ANKRD26: variants seen among roughly 807,000 people sequenced by gnomAD.
ANKRD26 encodes ankyrin repeat domain 26.
A neutral mutation model predicts 208.7 loss-of-function variants in ANKRD26; 141 were observed. The observed-to-expected ratio is 0.68, with a 90% confidence interval of 0.59 to 0.78. The LOEUF (loss-of-function observed/expected upper bound fraction) is 0.78. ANKRD26 is among the 30% of genes least tolerant of loss of function. The probability of loss-of-function intolerance (pLI) is 0.00; values close to 1 mark genes in which losing one functional copy is unlikely to be tolerated. For missense variants in ANKRD26, 1,889 were observed against 1,938.7 expected, an observed-to-expected ratio of 0.97 and a Z score of 0.48; for synonymous variants, 636 against 660.4, an observed-to-expected ratio of 0.96 and a Z score of 0.57.
chr10:26,952,885 G>A, the ANKRD26 span, among the ~76,000 whole-genome samples: 1 of 152,186 alleles, frequency 6.6e-6, no homozygotes, highest in African/African-American at 2.4e-5. Flanking sequence ...CTCTTGTGCA[G>A]TCTGAAGACA....
At chr10:27,099,963 T>C in intron 1 of ANKRD26, 122 bp downstream of exon 1, 2 of 1,513,388 alleles carry the variant, frequency 1.3e-6, no homozygotes, top group South Asian at 2.3e-5. Flanking sequence ...GGTGTCACCG[T>C]CCCAGGGGCT....
chr10:27,086,768 G>GTT lies in ANKRD26; in HGVS notation c.639-161_639-160dup, dbSNP rs36035101. On this transcript the variant is annotated intron_variant, in intron 4 of 33. Transcript: ENST00000376087. ...ATATGTAAGCTCTACAAACTTTTTT[G>GTT]TTTTTTTTTTTTTTTTTTTTTGAGA... Among the ~76,000 whole-genome samples, 907 of 96,962 alleles carry GTT rather than the reference G, an allele frequency of 9.4e-3. 69 individuals are homozygous for GTT. The highest frequency in any genetic ancestry group is 0.029 in the African/African-American group (761 of 26,512). The allele number at this position is 96,962 out of a possible 152,430, so 63.6% of individuals were successfully genotyped here.
At position 27,052,027 on chromosome 10, in the gene ANKRD26, T is replaced by C. The variant is rs2054680017; in HGVS notation, c.1635+1293A>G. 4 of 985,244 alleles carry C rather than the reference T, an allele frequency of 4.1e-6. No homozygotes were observed. In the South Asian group the frequency reaches 1.9e-4, roughly 46 times the overall value. The allele number at this position is 985,244 out of a possible 1,614,324, so 61.0% of individuals were successfully genotyped here. ...GATACATCCTCTCTATCACACTCCT[T>C]ATTCAGTTCTGGTTCTTGAGACATC... On this transcript the variant is annotated intron_variant, in intron 16 of 33. Coordinates refer to ENST00000376087, the MANE Select transcript of ANKRD26 (RefSeq NM_014915.3).
At chr10:27,024,251 T>G (rs537686003) in intron 28 of ANKRD26, among the ~76,000 whole-genome samples, 196 bp downstream of exon 28, 1 of 152,320 alleles carries the variant, frequency 6.6e-6, no homozygotes, top group South Asian at 2.1e-4. Context: ...TCAAAATCAT[T>G]AAAGAATAAG....
At chr10:27,057,997 C>T (rs1040985129) in intron 15 of ANKRD26, among the ~76,000 whole-genome samples, 1 of 151,534 alleles carries the variant, frequency 6.6e-6, no homozygotes, top group Non-Finnish European at 1.5e-5. Context: ...TAATTGTTCC[C>T]ACGTGAAAAT....
In ANKRD26 at chr10:27,017,645, C is replaced by T. The variant is rs1341465808; in HGVS notation, c.4363G>A (p.Glu1455Lys). 2.5e-6 allele frequency: 4 copies of T among 1,613,396 alleles called. No individual in the cohort carries two copies. Among genetic ancestry groups the T allele is most frequent in the Admixed American group, 1.7e-5 (1 of 59,972 alleles). Residue 1455 changes from glutamate (E) to lysine (K), a missense_variant, in exon 30 of 34, where the codon GAA becomes AAA. Transcript: ENST00000376087. ...EKLQKNKKKLEQEVINLRSHI... is the reference protein window; with the variant it reads ...EKLQKNKKKLKQEVINLRSHI... ...CTTCTCAGGTTGATCACTTCTTGTT[C>T]CAACTTCTTTTTATTCTTCTGTAGT... is the stretch of plus-strand genomic sequence containing the variant.
chr10:26,977,442 A>T (rs952058699), intron 5 of ANKRD26, among the ~76,000 whole-genome samples: 2 of 152,168 alleles, frequency 1.3e-5, no homozygotes, highest in African/African-American at 2.4e-5. Flanking sequence ...CTTCTCAGGG[A>T]TTTGTGGGCC....
At chr10:26,978,142 G>A (rs995725329) in intron 5 of ANKRD26, among the ~76,000 whole-genome samples, 5 of 152,092 alleles carry the variant, frequency 3.3e-5, no homozygotes, top group African/African-American at 1.2e-4. Flanking sequence ...ATTTTGCAAA[G>A]GTAAACGAGC....
chr10:27,081,881 C>T (rs762114260), intron 6 of ANKRD26, among the ~76,000 whole-genome samples: 9 of 151,706 alleles, frequency 5.9e-5, no homozygotes, highest in Non-Finnish European at 1.3e-4. Flanking sequence ...GGACTATAGG[C>T]GTGCGCCACC....
At chr10:27,089,047 A>G (rs2056212098) in intron 4 of ANKRD26, among the ~76,000 whole-genome samples, 1 of 152,210 alleles carries the variant, frequency 6.6e-6, no homozygotes, top group African/African-American at 2.4e-5. Context: ...GTGAACTGAA[A>G]AAAAGTCCTA....
At chr10:26,997,118 A>G (rs568001378) in intron 4 of ANKRD26, among the ~76,000 whole-genome samples, 9 of 152,264 alleles carry the variant, frequency 5.9e-5, no homozygotes, top group African/African-American at 1.9e-4. Context: ...AAAAGATTGA[A>G]AGGGATCTCA....
At chr10:27,054,184 C>G (rs757863029) in intron 15 of ANKRD26, among the ~76,000 whole-genome samples, 1 of 152,078 alleles carries the variant, frequency 6.6e-6, no homozygotes, top group Non-Finnish European at 1.5e-5. Flanking sequence ...TGCTCCCAGA[C>G]GGTAGGGGAC....
chr10:27,000,994 C>T (rs1051226311), downstream of ANKRD26, among the ~76,000 whole-genome samples: 3 of 152,144 alleles, frequency 2.0e-5, no homozygotes, highest in East Asian at 1.9e-4. Context: ...GGCAACAGAG[C>T]GAGACTCTGT....
Position 27,086,552 on chromosome 10 carries a change from T to C in ANKRD26, c.696A>G (p.Gln232=). The C allele has an allele frequency of 6.2e-7, 1 of 1,605,940 alleles. No homozygotes were observed. Among genetic ancestry groups the C allele is most frequent in the Non-Finnish European group, 8.5e-7 (1 of 1,174,948 alleles). ...KEERIPKHSS[Q]NSNSVDESSE... The stretch of plus-strand genomic sequence containing the variant: ...TGGAAGTCTTACCTGAATTACTATT[T>C]TGAGAAGAATGTTTAGGTATCCTTT... Residue 232 remains glutamine (Q), a synonymous_variant, in exon 5 of 34, where the codon CAA becomes CAG. Coordinates refer to ENST00000376087, the MANE Select transcript of ANKRD26 (RefSeq NM_014915.3).
intron 6 of ANKRD26, among the ~76,000 whole-genome samples, chr10:27,081,281 C>T (rs1255559323): frequency 6.6e-6 from 1 of 152,108 alleles, no homozygotes; most frequent in African/African-American, 2.4e-5. Flanking sequence ...TCAAAAACCC[C>T]AATATTCTGA....
At chr10:26,965,277 AAC>A in the ANKRD26 span, among the ~76,000 whole-genome samples, 5 of 152,200 alleles carry the variant, frequency 3.3e-5, no homozygotes, top group Non-Finnish European at 7.3e-5. Flanking sequence ...CTGGTACCAA[AAC>A]AGAGATATAG....
At chr10:27,033,190 G>C (rs2053934319) in intron 25 of ANKRD26, 35 bp downstream of exon 25, 2 of 1,541,930 alleles carry the variant, frequency 1.3e-6, no homozygotes, top group Non-Finnish European at 1.8e-6. Context: ...ACCAGTTATA[G>C]ATTAACTGTT....
chr10:27,085,009 T>A (rs2056063799), intron 5 of ANKRD26, among the ~76,000 whole-genome samples: 1 of 152,092 alleles, frequency 6.6e-6, no homozygotes, highest in African/African-American at 2.4e-5. Flanking sequence ...ATTATGATAA[T>A]CTTTTGGCTA....
At chr10:26,978,042 A>G (rs2052252738) in intron 5 of ANKRD26, among the ~76,000 whole-genome samples, 1 of 152,194 alleles carries the variant, frequency 6.6e-6, no homozygotes, top group South Asian at 2.1e-4. Flanking sequence ...ATGCCTGAAT[A>G]AGACCTGTAA....
Sources: allele counts gnomAD v4.1 joint callset (sites outside exome capture counted in the v4.1 genomes callset), GRCh38; gene constraint gnomAD v4.1.1; transcripts MANE v1.5; gene names NCBI Gene and HGNC (gene_info 2026-07-23, HGNC 2026-07-21).